Variants in SNX4 observed in about 807,000 individuals in gnomAD.
The protein encoded by SNX4 is sorting nexin-4.
Under a neutral mutation model 70.8 loss-of-function variants are expected in SNX4, and 49 were observed. The ratio of observed to expected loss-of-function variants is 0.69; its 90% CI spans 0.55 to 0.88. The LOEUF is 0.88. Among genes scored for constraint, SNX4 ranks in the 40% least tolerant of loss-of-function variants. The pLI is 0.00. For missense variants in SNX4, 528 were observed against 544.8 expected, an observed-to-expected ratio of 0.97 and a Z score of 0.31; for synonymous variants, 206 against 183.8, an observed-to-expected ratio of 1.12 and a Z score of -0.98.
At chr3:125,472,900 T>C (rs996710098) in intron 8 of SNX4, among the ~76,000 whole-genome samples, 3 of 152,056 alleles carry the variant, frequency 2.0e-5, no homozygotes, top group Non-Finnish European at 4.4e-5. Flanking sequence ...TTCTCCCTTG[T>C]CCATGCTCCT....
At chr3:125,504,482 T>C (rs1935004679) in intron 2 of SNX4, 141 bp downstream of exon 2, 2 of 787,622 alleles carry the variant, frequency 2.5e-6, no homozygotes, top group South Asian at 4.0e-5. Flanking sequence ...AGACCCTGTC[T>C]CAAAAAAAAG....
chr3:125,500,016 C>T (rs549329865), intron 2 of SNX4, among the ~76,000 whole-genome samples: 54 of 151,778 alleles, frequency 3.6e-4, no homozygotes, highest in African/African-American at 1.2e-3. Flanking sequence ...GCTGAGATCG[C>T]GCCAACGCAC....
intron 5 of SNX4, among the ~76,000 whole-genome samples, chr3:125,495,079 A>C (rs928522056): frequency 7.2e-5 from 11 of 151,782 alleles, no homozygotes; most frequent in Non-Finnish European, 1.5e-4. Context: ...GGTCTGCTAC[A>C]GGAAGACCAA....
In SNX4 at chr3:125,477,581, C is replaced by T. The variant is rs1235119726; in HGVS notation, c.727-825G>A. On this transcript the variant is annotated intron_variant, in intron 7 of 13. Transcript: ENST00000251775. ...AGTATAAGCTCTAAGGATAAATTAG[C>T]TCCCTGATTCCTTACTCAAACATGA... Among the ~76,000 whole-genome samples, 3 of 152,294 alleles carry T rather than the reference C, an allele frequency of 2.0e-5. No individual in the cohort carries two copies. In the East Asian group the frequency reaches 5.8e-4, roughly 29 times the overall value.
At chr3:125,504,080 G>C (rs1359134231) in intron 2 of SNX4, among the ~76,000 whole-genome samples, 1 of 151,846 alleles carries the variant, frequency 6.6e-6, no homozygotes, top group Admixed American at 6.6e-5. Context: ...CTTGTAATCC[G>C]AACACTTTGG....
rs767432586 is a variant in SNX4 at position 125,471,344 on chromosome 3, C to CAAAAA, written c.789-1830_789-1826dup. ...GGGCAACAAGAGCAAAGCTCCATCT[C>CAAAAA]AAAAAAAAAAAAAAAAAAAAAAAAA... is the stretch of plus-strand genomic sequence containing the variant. On this transcript the variant is annotated intron_variant, in intron 8 of 13. Transcript: ENST00000251775. 2.8e-4 allele frequency among the ~76,000 whole-genome samples: 8 copies of CAAAAA among 28,162 alleles called. 1 individual carries two copies. The highest frequency in any genetic ancestry group is 1.9e-3 in the South Asian group (1 of 530). 18.5% of individuals were successfully genotyped at this position (28,162 alleles called of 152,430 possible). A position where few individuals can be genotyped will look rare whatever the true frequency, so the allele number is the denominator to read the frequency against.
At chr3:125,517,704 A>C (rs1935312100) in intron 1 of SNX4, among the ~76,000 whole-genome samples, 1 of 152,232 alleles carries the variant, frequency 6.6e-6, no homozygotes, top group Non-Finnish European at 1.5e-5. Context: ...GGCCGAGGGC[A>C]GTGGCTCATG....
chr3:125,515,375 T>A (rs1416142992), intron 1 of SNX4, among the ~76,000 whole-genome samples: 1 of 150,382 alleles, frequency 6.6e-6, no homozygotes, highest in Admixed American at 6.6e-5. Context: ...ATATATATAT[T>A]TTTGGGTCGG....
intron 1 of SNX4, among the ~76,000 whole-genome samples, chr3:125,510,709 C>T (rs554568950): frequency 4.5e-4 from 68 of 152,238 alleles, no homozygotes; most frequent in African/African-American, 1.5e-3. Flanking sequence ...ATGAGGTACT[C>T]GGAATAGTCA....
chr3:125,496,137 T>G (rs892496409), intron 5 of SNX4, among the ~76,000 whole-genome samples: 1 of 151,696 alleles, frequency 6.6e-6, no homozygotes, highest in African/African-American at 2.4e-5. Context: ...AAAAGAAAAA[T>G]TTTAAAATTA....
intron 10 of SNX4, among the ~76,000 whole-genome samples, chr3:125,458,519 T>C (rs1321805961): frequency 6.6e-6 from 1 of 152,072 alleles, no homozygotes; most frequent in African/African-American, 2.4e-5. Flanking sequence ...ATGTTCACTG[T>C]AAAAAGAAAA....
chr3:125,457,354 C>A lies in SNX4; in HGVS notation c.956G>T (p.Arg319Met). ...GTCATACTGCATAAGTTCATGTTTCCTGCACACAGCCCTACAGATGAAAAA... is the reference window on the plus strand; with the variant it reads ...GTCATACTGCATAAGTTCATGTTTCATGCACACAGCCCTACAGATGAAAAA... Reference protein sequence around the residue: ...FYAEALRAVCRKHELMQYDLE... With the variant: ...FYAEALRAVCMKHELMQYDLE... The change falls in exon 11 of 14, where the codon AGG becomes ATG. Residue 319 changes from arginine (R) to methionine (M), a missense_variant. Around this residue, in one of 3 missense-constraint regions of SNX4, gnomAD observed 159 missense variants for 172.6 expected, o/e 0.92. Coordinates refer to ENST00000251775, the MANE Select transcript of SNX4 (RefSeq NM_003794.4). 1 of 1,613,186 alleles carries A rather than the reference C, an allele frequency of 6.2e-7. No individual in the cohort carries two copies. The highest frequency in any genetic ancestry group is 8.5e-7 in the Non-Finnish European group (1 of 1,179,162).
At chr3:125,473,804 A>G (rs1390817404) in intron 8 of SNX4, among the ~76,000 whole-genome samples, 2 of 152,100 alleles carry the variant, frequency 1.3e-5, no homozygotes, top group Admixed American at 6.6e-5. Context: ...TTCCTCATCA[A>G]TTTCTTGCCT....
At chr3:125,449,961 A>C (rs1190909984) in intron 13 of SNX4, among the ~76,000 whole-genome samples, 1 of 152,194 alleles carries the variant, frequency 6.6e-6, no homozygotes, top group Non-Finnish European at 1.5e-5. Context: ...AAAGGACTGT[A>C]CTACTGGGTG....
chr3:125,497,207 C>A (rs1580002145), intron 5 of SNX4, 134 bp downstream of exon 5: 1 of 568,322 alleles, frequency 1.8e-6, no homozygotes, highest in Non-Finnish European at 3.1e-6. Flanking sequence ...TCTTTGAAAA[C>A]CTTACCAATG....
At chr3:125,463,787 T>C (rs1195871867) in intron 9 of SNX4, among the ~76,000 whole-genome samples, 1 of 152,206 alleles carries the variant, frequency 6.6e-6, no homozygotes, top group Non-Finnish European at 1.5e-5. Flanking sequence ...CTTGGCATTA[T>C]TTTTGTGGTG....
intron 1 of SNX4, among the ~76,000 whole-genome samples, chr3:125,512,542 C>A: frequency 6.6e-6 from 1 of 152,138 alleles, no homozygotes; most frequent in Admixed American, 6.6e-5. Flanking sequence ...CCAAGAATAA[C>A]ACAACTGAAC....
chr3:125,501,966 C>T (rs1051654242), intron 2 of SNX4, among the ~76,000 whole-genome samples: 4 of 152,096 alleles, frequency 2.6e-5, no homozygotes, highest in African/African-American at 7.2e-5. Context: ...TTATTTATTT[C>T]AAAGTCAAGT....
chr3:125,487,834 T>C (rs1288054783), intron 6 of SNX4, among the ~76,000 whole-genome samples: 1 of 151,738 alleles, frequency 6.6e-6, no homozygotes, highest in Non-Finnish European at 1.5e-5. Flanking sequence ...GATGAACAGG[T>C]GCAGTAGAGA....
Sources: gnomAD v4.1 joint callset for allele counts (sites outside exome capture counted in the v4.1 genomes callset) on GRCh38, gnomAD v4.1.1 for gene constraint, gnomAD v4.1.1 regional missense constraint, MANE v1.5 for transcripts, NCBI Gene and HGNC (gene_info 2026-07-23, HGNC 2026-07-21) for gene names.